The following ARHGAP20 variants were observed in gnomAD, a reference collection of about 807,000 sequenced individuals.
The protein encoded by ARHGAP20 is Rho GTPase activating protein 20, also known as rho GTPase-activating protein 20.
Under a neutral mutation model 73.7 loss-of-function variants are expected in ARHGAP20, and 34 were observed. The observed-to-expected ratio is 0.46, with a 90% CI of 0.35 to 0.61. The LOEUF (loss-of-function observed/expected upper bound fraction) is 0.61. Among genes scored for constraint, ARHGAP20 ranks in the 20% least tolerant of loss-of-function variants. The pLI is 0.00. For synonymous variants in ARHGAP20, 523 were observed against 518.2 expected (o/e 1.01, Z -0.13); for missense variants, 1,314 against 1,420.9 (o/e 0.92, Z 1.21).
chr11:110,592,055 T>C lies in ARHGAP20; in HGVS notation c.1065A>G (p.Thr355=). 1.2e-6 allele frequency: 2 copies of C among 1,614,152 alleles called. No homozygotes were observed. The highest frequency in any genetic ancestry group is 1.7e-6 in the Non-Finnish European group (2 of 1,179,994). Residue 355 remains threonine, a synonymous_variant, in exon 10 of 15, where the codon ACA becomes ACG. Transcript: ENST00000683387. ...CAAAGAGCTGTCCTGGCATAGGTGA[T>C]GTTGGCGATGAGGGCAAGTTGTCCA... ...THLDNLPSSP[T]SPMPGQLFGI...
At chr11:110,711,919 G>A in intron 1 of ARHGAP20, 2 of 1,257,566 alleles carry the variant, frequency 1.6e-6, no homozygotes, top group Non-Finnish European at 2.0e-6. Context: ...TAGAAACGGA[G>A]AAGCGGGCGC....
chr11:110,634,675 T>C (rs1591331769), intron 2 of ARHGAP20, among the ~76,000 whole-genome samples: 1 of 152,102 alleles, frequency 6.6e-6, no homozygotes, highest in Admixed American at 6.6e-5. Flanking sequence ...GTAAGTTAGT[T>C]GGACTAGGAC....
intron 9 of ARHGAP20, among the ~76,000 whole-genome samples, chr11:110,595,582 AC>A (rs1947936841): frequency 1.3e-5 from 2 of 152,240 alleles, no homozygotes; most frequent in African/African-American, 4.8e-5. Context: ...AATCCAACTT[AC>A]AAGGGATGTG....
intron 4 of ARHGAP20, among the ~76,000 whole-genome samples, chr11:110,617,548 C>T (rs1375134106): frequency 6.6e-6 from 1 of 152,200 alleles, no homozygotes; most frequent in Non-Finnish European, 1.5e-5. Context: ...CAAGTGTGAG[C>T]CACTGTGCCT....
intron 2 of ARHGAP20, among the ~76,000 whole-genome samples, chr11:110,677,318 C>T (rs1445723464): frequency 6.6e-6 from 1 of 152,116 alleles, no homozygotes; most frequent in African/African-American, 2.4e-5. Context: ...ATGACAAGCA[C>T]ATGAAAGAAT....
chr11:110,709,112 A>G (rs1377412775), intron 1 of ARHGAP20, among the ~76,000 whole-genome samples: 3 of 152,160 alleles, frequency 2.0e-5, no homozygotes, highest in Non-Finnish European at 2.9e-5. Flanking sequence ...AAGTTTTATT[A>G]CAACACAGCT....
At chr11:110,621,358 C>T (rs553790157) in intron 4 of ARHGAP20, among the ~76,000 whole-genome samples, 8 of 152,128 alleles carry the variant, frequency 5.3e-5, no homozygotes, top group African/African-American at 1.7e-4. Flanking sequence ...CCCATTTCCT[C>T]GCTCCTCTTT....
intron 14 of ARHGAP20, among the ~76,000 whole-genome samples, chr11:110,581,795 T>TTCA (rs1947476659): frequency 6.6e-6 from 1 of 152,152 alleles, no homozygotes; most frequent in African/African-American, 2.4e-5. Flanking sequence ...GGCACAAGGA[T>TTCA]TCATATTCTG....
chr11:110,634,059 T>C (rs976403959), intron 2 of ARHGAP20, among the ~76,000 whole-genome samples: 1 of 152,106 alleles, frequency 6.6e-6, no homozygotes, highest in African/African-American at 2.4e-5. Context: ...GTGAATGAAG[T>C]AGCAGAAAAA....
Position 110,580,453 on chromosome 11 carries a change from G to A in ARHGAP20, c.2493C>T (p.His831=), listed in dbSNP as rs747953400. 1.9e-6 allele frequency: 3 copies of A among 1,613,934 alleles called. No homozygotes were observed. Among genetic ancestry groups the A allele is most frequent in the Non-Finnish European group, 2.5e-6 (3 of 1,179,964 alleles). ...DVNTSGYSPP[H]TADALKGPRT... ...TTGGACCCTTGAGGGCATCTGCTGT[G>A]TGTGGTGGGGAGTATCCAGATGTAT... The change falls in exon 15 of 15, where the codon CAC becomes CAT. Residue 831 remains histidine (H), a synonymous_variant. Transcript: ENST00000683387.
intron 2 of ARHGAP20, among the ~76,000 whole-genome samples, chr11:110,687,057 GAC>G (rs761078220): frequency 0.19 from 21,904 of 113,136 alleles, 2,319 homozygotes; most frequent in African/African-American, 0.25. Flanking sequence ...TATATATATA[GAC>G]ACACACACAC....
At chr11:110,653,512 C>A (rs1176604674) in intron 2 of ARHGAP20, among the ~76,000 whole-genome samples, 1 of 152,064 alleles carries the variant, frequency 6.6e-6, no homozygotes, top group Non-Finnish European at 1.5e-5. Flanking sequence ...CAAATCAAAA[C>A]CACAATGAGA....
Position 110,577,953 on chromosome 11 carries a change from GAGAA to G in ARHGAP20, c.*1413_*1416del, listed in dbSNP as rs1947332457. ...TAATTTGGAATAAGCTAGCTTGTGA[GAGAA>G]AGGTCCATCTGATGGTGAACTAAAG... On this transcript the variant is annotated 3_prime_UTR_variant, in exon 15 of 15. Coordinates refer to ENST00000683387, the MANE Select transcript of ARHGAP20 (RefSeq NM_001384657.1). The G allele has an allele frequency of 1.0e-6, 1 of 985,506 alleles. No homozygotes were observed. Among genetic ancestry groups the G allele is most frequent in the Non-Finnish European group, 1.2e-6 (1 of 829,904 alleles). 61.0% of individuals were successfully genotyped at this position (985,506 alleles called of 1,614,324 possible). A position where few individuals can be genotyped will look rare whatever the true frequency, so the allele number is the denominator to read the frequency against.
chr11:110,684,938 T>C (rs1303602632), intron 2 of ARHGAP20, among the ~76,000 whole-genome samples: 2 of 151,874 alleles, frequency 1.3e-5, no homozygotes, highest in African/African-American at 2.4e-5. Context: ...GGGGGGCAAG[T>C]CTTGAAAAAC....
chr11:110,626,776 G>T (rs1948751986), intron 3 of ARHGAP20, among the ~76,000 whole-genome samples: 1 of 151,676 alleles, frequency 6.6e-6, no homozygotes, highest in African/African-American at 2.4e-5. Flanking sequence ...GCTTTCTGAT[G>T]TGGCTATTAT....
chr11:110,711,460 C>CCCGTAGTGT (rs1235206378), intron 1 of ARHGAP20, among the ~76,000 whole-genome samples: 1 of 150,542 alleles, frequency 6.6e-6, no homozygotes. Flanking sequence ...CCTACATGTC[C>CCCGTAGTGT]CCGTAGTGTC....
rs760228180 is a variant in ARHGAP20 at position 110,580,149 on chromosome 11, TCCTTGGG to T, written c.2790_2796del (p.Cys930Ter). On this transcript the variant is annotated frameshift_variant, in exon 15 of 15. Coordinates refer to ENST00000683387, the MANE Select transcript of ARHGAP20 (RefSeq NM_001384657.1). LOFTEE classifies it low-confidence loss of function (END_TRUNC). ...GGGGAGGATAAGCTGGAATAGCTGG[TCCTTGGG>T]CAAAGGTTTAATCTTGGGGGTAAAA... 6.2e-7 allele frequency: 1 copy of T among 1,614,162 alleles called. No homozygotes were observed. Among genetic ancestry groups the T allele is most frequent in the Admixed American group, 1.7e-5 (1 of 60,010 alleles).
At chr11:110,619,356 T>C (rs187891932) in intron 4 of ARHGAP20, among the ~76,000 whole-genome samples, 82 of 149,938 alleles carry the variant, frequency 5.5e-4, no homozygotes, top group African/African-American at 1.6e-3. Flanking sequence ...AGAGTATATG[T>C]AGTGATAGCA....
chr11:110,648,302 AC>A lies in ARHGAP20; in HGVS notation c.189-17511del, dbSNP rs540888795. On this transcript the variant is annotated intron_variant, in intron 2 of 14. Coordinates refer to ENST00000683387, the MANE Select transcript of ARHGAP20 (RefSeq NM_001384657.1). The stretch of plus-strand genomic sequence containing the variant: ...ATGCATATAGACAAAGTCCTCAAAG[AC>A]ATATGTGTATATGTCTATATGCATA... Among the ~76,000 whole-genome samples the A allele has an allele frequency of 5.4e-3, 761 of 141,024 alleles. 4 individuals carry two copies. The highest frequency in any genetic ancestry group is 0.025 in the Middle Eastern group (7 of 278). 92.5% of individuals were successfully genotyped at this position (141,024 alleles called of 152,430 possible).
Sources: gnomAD v4.1 joint callset for allele counts (sites outside exome capture counted in the v4.1 genomes callset) on GRCh38, gnomAD v4.1.1 for gene constraint, MANE v1.5 for transcripts, NCBI Gene and HGNC (gene_info 2026-07-23, HGNC 2026-07-21) for gene names.